Variants in IMMT observed in about 807,000 individuals in gnomAD.
IMMT encodes MICOS complex subunit MIC60.
IMMT carries 40 observed loss-of-function variants against 92.7 expected under a neutral mutation model. The observed-to-expected ratio is 0.43, with a 90% CI of 0.34 to 0.56. The LOEUF (loss-of-function observed/expected upper bound fraction) is 0.56, where lower values mean the gene tolerates loss of function less well. IMMT is among the 20% of genes least tolerant of loss of function. The pLI is 0.03. For synonymous variants in IMMT, 322 were observed against 336.1 expected, an observed-to-expected ratio of 0.96 and a Z score of 0.46; for missense variants, 831 against 912.1, an observed-to-expected ratio of 0.91 and a Z score of 1.14.
chr2:86,149,076 C>T lies in IMMT; in HGVS notation c.1402-1243G>A, dbSNP rs1049509426. Among the ~76,000 whole-genome samples, 4 of 152,180 alleles carry T rather than the reference C, an allele frequency of 2.6e-5. 1 individual carries two copies. Among genetic ancestry groups the T allele is most frequent in the African/African-American group, 4.8e-5 (2 of 41,452 alleles). On this transcript the variant is annotated intron_variant, in intron 12 of 14. Coordinates refer to ENST00000410111, the MANE Select transcript of IMMT (RefSeq NM_006839.3). The stretch of plus-strand genomic sequence containing the variant: ...GAGCAGGCAAGGACCTGTTGTGAAG[C>T]ATCAACACCCCTTCAACCTCCTTTT...
chr2:86,163,723 A>G (rs189871442), intron 7 of IMMT, among the ~76,000 whole-genome samples: 141 of 152,118 alleles, frequency 9.3e-4, no homozygotes, highest in Non-Finnish European at 1.1e-3. Context: ...CTGTAATCCC[A>G]GCAATTTTGG....
At chr2:86,179,941 A>G (rs1225754242) in intron 2 of IMMT, among the ~76,000 whole-genome samples, 1 of 152,016 alleles carries the variant, frequency 6.6e-6, no homozygotes, top group Non-Finnish European at 1.5e-5. Flanking sequence ...AAAATTAGCC[A>G]GGTGTAGTAG....
intron 12 of IMMT, among the ~76,000 whole-genome samples, chr2:86,149,183 A>C (rs1218926658): frequency 2.6e-5 from 4 of 152,228 alleles, no homozygotes; most frequent in Non-Finnish European, 4.4e-5. Flanking sequence ...AGGGATAGGA[A>C]ATCTCAGTCT....
chr2:86,144,701 G>A lies in IMMT; in HGVS notation c.1844C>T (p.Ala615Val). 1 of 1,614,010 alleles carries A rather than the reference G, an allele frequency of 6.2e-7. No individual in the cohort carries two copies. Residue 615 changes from alanine (A) to valine (V), a missense_variant, in exon 15 of 15, where the codon GCT (alanine) becomes GTT (valine). Coordinates refer to ENST00000410111, the MANE Select transcript of IMMT (RefSeq NM_006839.3). ...DNEFTQALTA[A>V]IPPESLTRGV... ...ACGGGTCAGGGACTCTGGAGGGATA[G>A]CTGCGGTTAAAGCTTGGGTGAATTC... is the stretch of plus-strand genomic sequence containing the variant.
chr2:86,145,649 C>A (rs1283102665), intron 14 of IMMT, among the ~76,000 whole-genome samples: 1 of 151,850 alleles, frequency 6.6e-6, no homozygotes, highest in African/African-American at 2.4e-5. Context: ...TTTATTAATA[C>A]CCTCATTGTC....
chr2:86,194,511 T>C (rs1339150575), intron 1 of IMMT, among the ~76,000 whole-genome samples: 1 of 152,206 alleles, frequency 6.6e-6, no homozygotes, highest in Non-Finnish European at 1.5e-5. Context: ...TCTGTTCAAT[T>C]ACTGCTTGAG....
chr2:86,144,498 C>T lies in IMMT; in HGVS notation c.2047G>A (p.Glu683Lys), dbSNP rs778420627. 2 of 1,613,976 alleles carry T rather than the reference C, an allele frequency of 1.2e-6. No homozygotes were observed. Among genetic ancestry groups the T allele is most frequent in the South Asian group, 2.2e-5 (2 of 91,088 alleles). The change falls in exon 15 of 15, where the codon GAG becomes AAG. Residue 683 changes from glutamate to lysine, a missense_variant. By Grantham distance (56) the Glu-to-Lys change is moderately conservative. Transcript: ENST00000410111. ...QLKPPPELCP[E>K]DINTFKLLSY... ...AGTAATTTAAATGTGTTTATATCCT[C>T]AGGGCAGAGCTCTGGGGGCGGCTTC...
At position 86,159,775 on chromosome 2, in the gene IMMT, C is replaced by A. The variant is rs945746446; in HGVS notation, c.897-104G>T. 5 of 1,031,274 alleles carry A rather than the reference C, an allele frequency of 4.8e-6. No individual in the cohort carries two copies. In the East Asian group the frequency reaches 1.1e-4, roughly 23 times the overall value. The allele number at this position is 1,031,274 out of a possible 1,614,324, so 63.9% of individuals were successfully genotyped here. ...AATTGTTAAAAGTCTATGAAACAGG[C>A]TGGGAGCAGTGGCTGATACCTGTAA... On this transcript the variant is annotated intron_variant, in intron 8 of 14. Transcript: ENST00000410111.
In IMMT at chr2:86,144,208, A is replaced by C. The variant is rs1674814779; in HGVS notation, c.*60T>G. The C allele has an allele frequency of 3.1e-6, 5 of 1,587,752 alleles. No individual in the cohort carries two copies. The highest frequency in any genetic ancestry group is 4.3e-6 in the Non-Finnish European group (5 of 1,163,928). On this transcript the variant is annotated 3_prime_UTR_variant, in exon 15 of 15. Coordinates refer to ENST00000410111, the MANE Select transcript of IMMT (RefSeq NM_006839.3). ...CCGGGACTCTCGCTGCGAACCCTTC[A>C]TCTATCACTGCTGATTTCCTTTGAC...
intron 13 of IMMT, among the ~76,000 whole-genome samples, chr2:86,146,508 T>G (rs1165715835): frequency 6.6e-6 from 1 of 151,618 alleles, no homozygotes; most frequent in Non-Finnish European, 1.5e-5. Flanking sequence ...GTAGCTGGGA[T>G]TACAGGCATG....
intron 1 of IMMT, among the ~76,000 whole-genome samples, chr2:86,182,981 G>T (rs1000892618): frequency 1.3e-5 from 2 of 152,056 alleles, no homozygotes; most frequent in African/African-American, 4.8e-5. Context: ...TAATAGAAAA[G>T]GGTGTTTTCC....
At chr2:86,193,466 T>C (rs1673311452) in intron 1 of IMMT, among the ~76,000 whole-genome samples, 1 of 150,900 alleles carries the variant, frequency 6.6e-6, no homozygotes, top group South Asian at 2.1e-4. Flanking sequence ...ACAAGTGAGA[T>C]ATTCTGGATA....
At chr2:86,175,664 A>G (rs541029778) in intron 3 of IMMT, among the ~76,000 whole-genome samples, 128 of 152,230 alleles carry the variant, frequency 8.4e-4, no homozygotes, top group African/African-American at 3.0e-3. Flanking sequence ...TTACTATGAA[A>G]TAAAATGCAC....
At chr2:86,173,083 A>T (rs1459577058) in intron 4 of IMMT, among the ~76,000 whole-genome samples, 1 of 152,252 alleles carries the variant, frequency 6.6e-6, no homozygotes, top group African/African-American at 2.4e-5. Flanking sequence ...TTTCTGCTGA[A>T]TTAAAGAAAG....
At chr2:86,166,060 A>G (rs1676651326) in intron 7 of IMMT, among the ~76,000 whole-genome samples, 1 of 152,252 alleles carries the variant, frequency 6.6e-6, no homozygotes, top group African/African-American at 2.4e-5. Flanking sequence ...GGCCAAGCAC[A>G]GTGGCTCACG....
chr2:86,148,259 C>G (rs1675185169), intron 12 of IMMT, among the ~76,000 whole-genome samples: 1 of 152,216 alleles, frequency 6.6e-6, no homozygotes, highest in East Asian at 1.9e-4. Flanking sequence ...GATTTATCTT[C>G]TCAAATCTCC....
At chr2:86,178,138 AC>A (rs1451609629) in intron 3 of IMMT, among the ~76,000 whole-genome samples, 1 of 151,510 alleles carries the variant, frequency 6.6e-6, no homozygotes, top group Non-Finnish European at 1.5e-5. Context: ...ACACAGTGAA[AC>A]CCCGTCTCTA....
chr2:86,170,601 G>A (rs1677013388), intron 6 of IMMT, 148 bp downstream of exon 6: 2 of 582,836 alleles, frequency 3.4e-6, no homozygotes, highest in Non-Finnish European at 6.1e-6. Flanking sequence ...AAATGAAGGT[G>A]ATGAATAAAG....
At chr2:86,164,703 A>AAAAAAAAAAAAAAG (rs1421109434) in intron 7 of IMMT, among the ~76,000 whole-genome samples, 15 of 151,564 alleles carry the variant, frequency 9.9e-5, no homozygotes, top group African/African-American at 3.2e-4. Flanking sequence ...AAAAAAAAAA[A>AAAAAAAAAAAAAAG]AGGAATGGAT....
Sources: allele counts gnomAD v4.1 joint callset (sites outside exome capture counted in the v4.1 genomes callset), GRCh38; gene constraint gnomAD v4.1.1; transcripts MANE v1.5; gene names NCBI Gene and HGNC (gene_info 2026-07-23, HGNC 2026-07-21).